The following LAMA2 variants were observed in gnomAD, a reference collection of about 807,000 sequenced individuals.
LAMA2 encodes laminin subunit alpha 2, also known as laminin subunit alpha-2.
A neutral mutation model predicts 364.8 loss-of-function variants in LAMA2; 269 were observed. That is an observed-to-expected ratio of 0.74 (90% CI 0.67 to 0.82). The LOEUF is 0.82. Among genes scored for constraint, LAMA2 ranks in the 40% least tolerant of loss-of-function variants. The probability of loss-of-function intolerance (pLI) is 0.00; values close to 1 mark genes in which losing one functional copy is unlikely to be tolerated. For missense variants in LAMA2, 3,807 were observed against 3,873.2 expected (o/e 0.98, Z 0.45); for synonymous variants, 1,379 against 1,370.6 (o/e 1.01, Z -0.14).
chr6:129,325,342 A>G (rs1403188169), intron 28 of LAMA2, among the ~76,000 whole-genome samples: 1 of 152,086 alleles, frequency 6.6e-6, no homozygotes, highest in East Asian at 1.9e-4. Context: ...TTAATTCCCC[A>G]TTGTGTTCCA....
intron 20 of LAMA2, among the ~76,000 whole-genome samples, chr6:129,294,455 A>G (rs1416501997): frequency 6.6e-6 from 1 of 152,110 alleles, no homozygotes; most frequent in Non-Finnish European, 1.5e-5. Flanking sequence ...TTCTCTAGAC[A>G]GTCATTTACC....
At chr6:128,959,856 T>C (rs1781370170) in intron 1 of LAMA2, among the ~76,000 whole-genome samples, 1 of 152,062 alleles carries the variant, frequency 6.6e-6, no homozygotes, top group African/African-American at 2.4e-5. Context: ...CTTGAAAAAA[T>C]GTAGATTCCA....
intron 55 of LAMA2, among the ~76,000 whole-genome samples, chr6:129,483,616 C>G (rs1784459553): frequency 6.6e-6 from 1 of 152,054 alleles, no homozygotes; most frequent in Non-Finnish European, 1.5e-5. Context: ...CCTTATTTTT[C>G]TGTGAATCAT....
intron 1 of LAMA2, among the ~76,000 whole-genome samples, chr6:128,949,563 AAGG>A (rs888965526): frequency 2.3e-4 from 35 of 152,194 alleles, no homozygotes; most frequent in African/African-American, 8.2e-4. Flanking sequence ...GGAAGAAAGA[AAGG>A]AGGAGAGAAG....
rs114744986 is a variant in LAMA2, at chr6:128,890,075, G to A, written c.112+6718G>A. 4.7e-3 allele frequency among the ~76,000 whole-genome samples: 708 copies of A among 152,242 alleles called. 9 individuals are homozygous for A. Among genetic ancestry groups the A allele is most frequent in the African/African-American group, 0.016 (662 of 41,544 alleles). ...GGAAATGTACCTTGTGCAATGTTAA[G>A]TATGTCTCTGTATGTGTAGTCCACT... is the stretch of plus-strand genomic sequence containing the variant. On this transcript the variant is annotated intron_variant, in intron 1 of 64. Coordinates refer to ENST00000421865, the MANE Select transcript of LAMA2 (RefSeq NM_000426.4).
intron 27 of LAMA2, among the ~76,000 whole-genome samples, chr6:129,318,489 C>T (rs190741689): frequency 1.9e-4 from 29 of 151,964 alleles, no homozygotes; most frequent in Non-Finnish European, 7.4e-5. Context: ...TAAACACTTG[C>T]GGGTCTGTTA....
intron 12 of LAMA2, among the ~76,000 whole-genome samples, chr6:129,200,469 T>C (rs551306478): frequency 6.7e-6 from 1 of 149,998 alleles, no homozygotes; most frequent in Non-Finnish European, 1.5e-5. Context: ...CATGTACACA[T>C]ATACATGTAT....
At chr6:129,442,332 A>G in intron 43 of LAMA2, 2 of 654,792 alleles carry the variant, frequency 3.1e-6, no homozygotes, top group Non-Finnish European at 4.0e-6. Flanking sequence ...CAGGGTGAAA[A>G]AGGGGAGATA....
intron 1 of LAMA2, among the ~76,000 whole-genome samples, chr6:129,039,181 C>T (rs548012755): frequency 5.9e-5 from 9 of 152,046 alleles, no homozygotes; most frequent in South Asian, 2.1e-4. Context: ...AAGTAATATA[C>T]GGACACCAAG....
intron 34 of LAMA2, among the ~76,000 whole-genome samples, chr6:129,378,861 GAGTA>G (rs1394137343): frequency 6.6e-6 from 1 of 152,164 alleles, no homozygotes; most frequent in African/African-American, 2.4e-5. Flanking sequence ...AATTCAGGAA[GAGTA>G]AGTGAGACAC....
At chr6:129,012,035 T>A (rs1784798703) in intron 1 of LAMA2, among the ~76,000 whole-genome samples, 1 of 152,226 alleles carries the variant, frequency 6.6e-6, no homozygotes, top group Admixed American at 6.5e-5. Context: ...GTGTTCCTTC[T>A]ACTCAGGACT....
At chr6:129,082,579 G>A (rs1316936156) in intron 3 of LAMA2, among the ~76,000 whole-genome samples, 1 of 152,026 alleles carries the variant, frequency 6.6e-6, no homozygotes, top group African/African-American at 2.4e-5. Flanking sequence ...ATTATATTCT[G>A]AACTGTAACA....
chr6:129,014,027 A>G (rs1353907661), intron 1 of LAMA2, among the ~76,000 whole-genome samples: 1 of 152,122 alleles, frequency 6.6e-6, no homozygotes, highest in Non-Finnish European at 1.5e-5. Context: ...GCAGTTAGAG[A>G]AGGAAAATCA....
At chr6:129,143,837 GAAAC>G in intron 4 of LAMA2, 60 bp from the exon 5 acceptor site, 2 of 1,230,982 alleles carry the variant, frequency 1.6e-6, no homozygotes, top group Admixed American at 1.8e-5. Context: ...CCAAGAAAAA[GAAAC>G]AAAATCAATA....
At chr6:129,365,700 A>G (rs1777730721) in intron 32 of LAMA2, among the ~76,000 whole-genome samples, 4 of 151,684 alleles carry the variant, frequency 2.6e-5, no homozygotes, top group South Asian at 4.2e-4. Context: ...ATTCTACTCA[A>G]TAGATACCAA....
At chr6:129,473,948 G>A (rs1358325446) in intron 52 of LAMA2, among the ~76,000 whole-genome samples, 1 of 151,874 alleles carries the variant, frequency 6.6e-6, no homozygotes, top group African/African-American at 2.4e-5. Context: ...ACTAAAAAAT[G>A]TCAGAAAATA....
chr6:128,921,044 T>C (rs184350872), intron 1 of LAMA2, among the ~76,000 whole-genome samples: 1 of 152,312 alleles, frequency 6.6e-6, no homozygotes, highest in African/African-American at 2.4e-5. Context: ...CAGGGGCACT[T>C]AAAAAGCCTG....
At chr6:128,991,883 T>C (rs967157736) in intron 1 of LAMA2, among the ~76,000 whole-genome samples, 6 of 152,202 alleles carry the variant, frequency 3.9e-5, no homozygotes, top group African/African-American at 1.4e-4. Flanking sequence ...GGGAAATACA[T>C]TCACAGTCCA....
At chr6:129,226,972 C>G (rs1002023553) in intron 12 of LAMA2, among the ~76,000 whole-genome samples, 8 of 152,222 alleles carry the variant, frequency 5.3e-5, no homozygotes, top group African/African-American at 1.9e-4. Context: ...TGTACCCAAT[C>G]AGGCATAGAT....
Sources: gnomAD v4.1 joint callset for allele counts (sites outside exome capture counted in the v4.1 genomes callset) on GRCh38, gnomAD v4.1.1 for gene constraint, MANE v1.5 for transcripts, NCBI Gene and HGNC (gene_info 2026-07-23, HGNC 2026-07-21) for gene names.